CPT1C: variants seen among roughly 807,000 people sequenced by gnomAD.
The protein encoded by CPT1C is carnitine palmitoyltransferase 1C.
In CPT1C, 61 loss-of-function variants were observed where a neutral mutation model predicts 97.3. The ratio of observed to expected loss-of-function variants is 0.63; its 90% confidence interval spans 0.51 to 0.78. The LOEUF is 0.78. Among genes scored for constraint, CPT1C ranks in the 30% least tolerant of loss-of-function variants. CPT1C has a pLI of 0.00. For missense variants in CPT1C, 975 were observed against 1,065.5 expected, an observed-to-expected ratio of 0.92 and a Z score of 1.18; for synonymous variants, 469 against 447.2, an observed-to-expected ratio of 1.05 and a Z score of -0.61.
chr19:49,707,179 G>A (rs1307816172), intron 12 of CPT1C, among the ~76,000 whole-genome samples: 1 of 152,142 alleles, frequency 6.6e-6, no homozygotes, highest in African/African-American at 2.4e-5. Flanking sequence ...GGAGGCTGAG[G>A]CGGGAGAATC....
intron 7 of CPT1C, 126 bp downstream of exon 7, chr19:49,701,760 A>G: frequency 1.8e-6 from 2 of 1,089,908 alleles, no homozygotes; most frequent in Non-Finnish European, 2.5e-6. Context: ...CCAGCCCCCA[A>G]GGGTCAATAC....
In CPT1C at chr19:49,705,928, T is replaced by C. The variant is rs769750196; in HGVS notation, c.984T>C (p.His328=). 14 of 1,613,644 alleles carry C rather than the reference T, an allele frequency of 8.7e-6. No homozygotes were observed. Among genetic ancestry groups the C allele is most frequent in the Non-Finnish European group, 1.1e-5 (13 of 1,179,850 alleles). Residue 328 remains histidine (H), a synonymous_variant, in exon 11 of 20, where the codon CAT becomes CAC. Coordinates refer to ENST00000598293, the MANE Select transcript of CPT1C (RefSeq NM_001199753.2). ...GVQKDYIRHL[H]DSQHVAVFHR... The stretch of plus-strand genomic sequence containing the variant: ...CCCTAGACTACATCCGCCACCTCCA[T>C]GACAGCCAACACGTGGCTGTCTTCC...
intron 3 of CPT1C, among the ~76,000 whole-genome samples, chr19:49,695,010 AGTCAC>A (rs2082581698): frequency 2.0e-5 from 3 of 151,824 alleles, no homozygotes; most frequent in Non-Finnish European, 4.4e-5. Flanking sequence ...GCGTGGTGGC[AGTCAC>A]CTGTAGTCCC....
intron 13 of CPT1C, 91 bp from the exon 14 acceptor site, chr19:49,708,632 C>A: frequency 1.1e-6 from 1 of 901,108 alleles, no homozygotes; most frequent in Non-Finnish European, 1.9e-6. Flanking sequence ...TGCCCCCTAC[C>A]CGAAAAAGGG....
In CPT1C at chr19:49,702,007, A is replaced by AATATATGTATTTATAAATAAAT. The variant is rs2083137565; in HGVS notation, c.693+379_693+380insGTATTTATAAATAAATATATAT. On this transcript the variant is annotated intron_variant, in intron 7 of 19. Coordinates refer to ENST00000598293, the MANE Select transcript of CPT1C (RefSeq NM_001199753.2). ...ATATATAAATATTATAAATATATTA[A>AATATATGTATTTATAAATAAAT]ATATATTTATTTATAAATTATAAAT... Among the ~76,000 whole-genome samples the AATATATGTATTTATAAATAAAT allele has an allele frequency of 4.7e-5, 2 of 42,218 alleles. 1 individual carries two copies. Among genetic ancestry groups the AATATATGTATTTATAAATAAAT allele is most frequent in the Non-Finnish European group, 7.6e-5 (2 of 26,248 alleles). 27.7% of individuals were successfully genotyped at this position (42,218 alleles called of 152,430 possible). A position where few individuals can be genotyped will look rare whatever the true frequency, so the allele number is the denominator to read the frequency against.
At chr19:49,695,578 C>A (rs1233644083) in intron 3 of CPT1C, among the ~76,000 whole-genome samples, 1 of 144,094 alleles carries the variant, frequency 6.9e-6, no homozygotes, top group Non-Finnish European at 1.5e-5. Context: ...ATCCACTGCA[C>A]CTGGCCTTTT....
Position 49,707,630 on chromosome 19 carries a change from C to A in CPT1C, c.1449+7C>A. The A allele has an allele frequency of 6.3e-7, 1 of 1,594,366 alleles. No homozygotes were observed. Among genetic ancestry groups the A allele is most frequent in the Non-Finnish European group, 8.6e-7 (1 of 1,167,032 alleles). On this transcript the variant is annotated splice_region_variant and intron_variant, in intron 13 of 19. Coordinates refer to ENST00000598293, the MANE Select transcript of CPT1C (RefSeq NM_001199753.2). ...CTCAGGACACATGTGGGAGGTAGGGCGGCCAGCCCTCCCTGGTTCTGGGGA... is the reference window on the plus strand; with the variant it reads ...CTCAGGACACATGTGGGAGGTAGGGAGGCCAGCCCTCCCTGGTTCTGGGGA...
In CPT1C at chr19:49,704,837, G is replaced by T. The variant is rs762104762; in HGVS notation, c.771+50G>T. The T allele has an allele frequency of 7.5e-5, 117 of 1,553,284 alleles. No individual in the cohort carries two copies. In the East Asian group the frequency reaches 2.6e-3, roughly 35 times the overall value. The stretch of plus-strand genomic sequence containing the variant: ...ATAGGCCCCAGGTCTAGGGTTGGGG[G>T]GTACCTGGGCGGAATGTGACGGTCA... On this transcript the variant is annotated intron_variant, in intron 8 of 19. Transcript: ENST00000598293.
chr19:49,709,093 A>G (rs1341039038), intron 14 of CPT1C, among the ~76,000 whole-genome samples: 1 of 149,504 alleles, frequency 6.7e-6, no homozygotes, highest in Non-Finnish European at 1.5e-5. Context: ...CCCCATCTCT[A>G]CCTGTTTCAG....
rs1391351029 is a variant in CPT1C at position 49,706,513 on chromosome 19, A to G, written c.1343+100A>G. The G allele has an allele frequency of 9.5e-7, 1 of 1,051,288 alleles. No homozygotes were observed. Among genetic ancestry groups the G allele is most frequent in the East Asian group, 3.2e-5 (1 of 31,072 alleles). 65.1% of individuals were successfully genotyped at this position (1,051,288 alleles called of 1,614,324 possible). On this transcript the variant is annotated intron_variant, in intron 12 of 19. Coordinates refer to ENST00000598293, the MANE Select transcript of CPT1C (RefSeq NM_001199753.2). The surrounding 1 kb of genome is among the most constrained non-coding windows in gnomAD (Gnocchi z 4.8). ...TAGACAGCCAGACCCTGGAGCCCAC[A>G]CCTGCAGAGTCTGTAGACCAGGGGC...
In CPT1C at chr19:49,692,026, C is replaced by T. The variant is rs538294410; in HGVS notation, c.-15+137C>T. On this transcript the variant is annotated intron_variant, in intron 2 of 19. Transcript: ENST00000598293. ...GGTCTGAGGGAGGAGGGGCTGGGGG[C>T]CTGGACTCCTGGATCTGAGAGAGGA... The T allele has an allele frequency of 5.9e-5, 31 of 524,044 alleles. 2 individuals are homozygous for T. In the South Asian group the frequency reaches 7.3e-4, roughly 12 times the overall value. 32.5% of individuals were successfully genotyped at this position (524,044 alleles called of 1,614,324 possible).
intron 6 of CPT1C, 36 bp from the exon 7 acceptor site, chr19:49,701,461 G>A: frequency 6.3e-7 from 1 of 1,590,942 alleles, no homozygotes; most frequent in Non-Finnish European, 8.6e-7. Flanking sequence ...GGCCGGGGCG[G>A]GCCGGGGGCG....
rs1388092499 is a variant in CPT1C, at chr19:49,702,014, T to A, written c.693+380T>A. Among the ~76,000 whole-genome samples the A allele has an allele frequency of 4.3e-5, 2 of 46,538 alleles. 1 individual carries two copies. The highest frequency in any genetic ancestry group is 2.6e-4 in the African/African-American group (2 of 7,562). 30.5% of individuals were successfully genotyped at this position (46,538 alleles called of 152,430 possible). On this transcript the variant is annotated intron_variant, in intron 7 of 19. Transcript: ENST00000598293. ...AATATTATAAATATATTAAATATAT[T>A]TATTTATAAATTATAAATATATATT...
In CPT1C at chr19:49,700,707, G is replaced by C. The variant is rs781746898; in HGVS notation, c.305G>C (p.Arg102Pro). 4.3e-6 allele frequency: 7 copies of C among 1,609,920 alleles called. No homozygotes were observed. Among genetic ancestry groups the C allele is most frequent in the Admixed American group, 1.7e-5 (1 of 60,010 alleles). ...PDWGGQHHGLRGVLAAALFAS... is the reference protein window; with the variant it reads ...PDWGGQHHGLPGVLAAALFAS... ...AGGGGTGGACAACACCACGGGCTCC[G>C]GGGGGTCCTGGCAGCCGCGCTGTTT... is the stretch of plus-strand genomic sequence containing the variant. Residue 102 changes from arginine (R) to proline (P), a missense_variant, in exon 5 of 20, where the codon CGG becomes CCG. Physicochemically the swap from Arg to Pro is moderately radical, Grantham distance 103. Around this residue, in one of 3 missense-constraint regions of CPT1C, gnomAD observed 596 missense variants for 603.1 expected, o/e 0.99. Transcript: ENST00000598293.
chr19:49,700,689 G>A lies in CPT1C; in HGVS notation c.287G>A (p.Gly96Glu). ...KIKELLPDWG[G>E]QHHGLRGVLA... ...CTCTGTTTCTCTCCCCGCAGGGGTGGACAACACCACGGGCTCCGGGGGGTC... is the reference window on the plus strand; with the variant it reads ...CTCTGTTTCTCTCCCCGCAGGGGTGAACAACACCACGGGCTCCGGGGGGTC... Residue 96 changes from glycine (G) to glutamate (E), a missense_variant, in exon 5 of 20, where the codon GGA (glycine) becomes GAA (glutamate). Coordinates refer to ENST00000598293, the MANE Select transcript of CPT1C (RefSeq NM_001199753.2). 6.2e-7 allele frequency: 1 copy of A among 1,608,364 alleles called. No individual in the cohort carries two copies. The highest frequency in any genetic ancestry group is 8.5e-7 in the Non-Finnish European group (1 of 1,179,998).
chr19:49,700,674 C>T lies in CPT1C; in HGVS notation c.282-10C>T. The T allele has an allele frequency of 6.2e-7, 1 of 1,605,508 alleles. No homozygotes were observed. Among genetic ancestry groups the T allele is most frequent in the Non-Finnish European group, 8.5e-7 (1 of 1,179,552 alleles). ...AGACCCAGGCCCAGCCTCTGTTTCTCTCCCCGCAGGGGTGGACAACACCAC... is the reference window on the plus strand; with the variant it reads ...AGACCCAGGCCCAGCCTCTGTTTCTTTCCCCGCAGGGGTGGACAACACCAC... On this transcript the variant is annotated splice_polypyrimidine_tract_variant and intron_variant, in intron 4 of 19. Coordinates refer to ENST00000598293, the MANE Select transcript of CPT1C (RefSeq NM_001199753.2).
chr19:49,705,998 C>T lies in CPT1C; in HGVS notation c.1054C>T (p.Leu352=), dbSNP rs200765794. ...CATGGGGACCCACTCCCGAAACAGC[C>T]TGCTTTCCCCGAGAGCCCTGGAGCA... is the stretch of plus-strand genomic sequence containing the variant. ...FRMGTHSRNS[L]LSPRALEQQF... is the part of the protein sequence containing the mutation. The change falls in exon 11 of 20, where the codon CTG becomes TTG. Residue 352 remains leucine, a synonymous_variant. Coordinates refer to ENST00000598293, the MANE Select transcript of CPT1C (RefSeq NM_001199753.2). The T allele has an allele frequency of 5.0e-6, 8 of 1,614,092 alleles. No homozygotes were observed. In the East Asian group the frequency reaches 1.6e-4, roughly 31 times the overall value.
In CPT1C at chr19:49,694,775, C is replaced by T. The variant is rs185365936; in HGVS notation, c.141+2382C>T. On this transcript the variant is annotated intron_variant, in intron 3 of 19. Coordinates refer to ENST00000598293, the MANE Select transcript of CPT1C (RefSeq NM_001199753.2). The stretch of plus-strand genomic sequence containing the variant: ...GGCAAACAGCCACTGCCTTGAACTC[C>T]GAATCCCTCTCCCGCCCTTACCCTG... Among the ~76,000 whole-genome samples, 167 of 152,220 alleles carry T rather than the reference C, an allele frequency of 1.1e-3. 1 individual carries two copies. The highest frequency in any genetic ancestry group is 3.4e-3 in the Middle Eastern group (1 of 294).
At chr19:49,699,004 G>C (rs2082836045) in intron 4 of CPT1C, among the ~76,000 whole-genome samples, 1 of 151,772 alleles carries the variant, frequency 6.6e-6, no homozygotes, top group Non-Finnish European at 1.5e-5. Flanking sequence ...TTGGGAGGCT[G>C]AGGCAGGAGA....
Sources: gnomAD v4.1 joint callset for allele counts (sites outside exome capture counted in the v4.1 genomes callset) on GRCh38, gnomAD v4.1.1 for gene constraint, gnomAD v4.1.1 regional missense constraint, Gnocchi (gnomAD v3.1) non-coding constraint, MANE v1.5 for transcripts, NCBI Gene and HGNC (gene_info 2026-07-23, HGNC 2026-07-21) for gene names.